The following ANKRD13A variants were observed in gnomAD, a reference collection of about 807,000 sequenced individuals.
ANKRD13A encodes ankyrin repeat domain-containing protein 13A.
In ANKRD13A, 48 loss-of-function variants were observed where a neutral mutation model predicts 81.3. That is an observed-to-expected ratio of 0.59 (90% CI 0.47 to 0.75). The LOEUF (loss-of-function observed/expected upper bound fraction) is 0.75, where lower values mean the gene tolerates loss of function less well. Among genes scored for constraint, ANKRD13A ranks in the 30% least tolerant of loss-of-function variants. The pLI is 0.00. For missense variants in ANKRD13A, 612 were observed against 734.0 expected (o/e 0.83, Z 1.92); for synonymous variants, 230 against 270.1 (o/e 0.85, Z 1.45).
At chr12:110,005,868 G>A (rs564775207) in intron 1 of ANKRD13A, among the ~76,000 whole-genome samples, 22 of 152,198 alleles carry the variant, frequency 1.4e-4, no homozygotes, top group African/African-American at 5.1e-4. Flanking sequence ...CCAGGCTGGA[G>A]TGCAGTGGCA....
At chr12:110,003,984 C>T (rs1361813219) in intron 1 of ANKRD13A, among the ~76,000 whole-genome samples, 1 of 152,056 alleles carries the variant, frequency 6.6e-6, no homozygotes, top group Non-Finnish European at 1.5e-5. Context: ...TAGTGAAACC[C>T]CATCTTTGCT....
At chr12:110,000,197 CTTG>C (rs1403972887) in intron 1 of ANKRD13A, among the ~76,000 whole-genome samples, 1 of 152,210 alleles carries the variant, frequency 6.6e-6, no homozygotes. Flanking sequence ...GCACACTCTC[CTTG>C]TTGTAAGGAA....
At position 110,036,586 on chromosome 12, in the gene ANKRD13A, A is replaced by T. The variant is rs867430213; in HGVS notation, c.1577+258A>T. Among the ~76,000 whole-genome samples, 3 of 151,790 alleles carry T rather than the reference A, an allele frequency of 2.0e-5. No homozygotes were observed. The highest frequency in any genetic ancestry group is 2.9e-5 in the Non-Finnish European group (2 of 67,898). ...AACACGGTGAAACCCTGTCTCTCCTAAAAAAAATACAAAAAATTAGCCGGG... is the reference window on the plus strand; with the variant it reads ...AACACGGTGAAACCCTGTCTCTCCTTAAAAAAATACAAAAAATTAGCCGGG... On this transcript the variant is annotated intron_variant, in intron 14 of 14. Transcript: ENST00000261739. The surrounding 1 kb of genome is among the most constrained non-coding windows in gnomAD (Gnocchi z 4.6).
At chr12:110,032,405 A>G (rs966984577) in intron 12 of ANKRD13A, 1 of 152,246 alleles carries the variant, frequency 6.6e-6, no homozygotes, top group Non-Finnish European at 1.5e-5. Flanking sequence ...AATAAAAACA[A>G]TTGAACTCGA....
chr12:110,015,437 A>T (rs983840884), intron 3 of ANKRD13A, among the ~76,000 whole-genome samples: 1 of 152,232 alleles, frequency 6.6e-6, no homozygotes, highest in Admixed American at 6.5e-5. Context: ...GGCAGTGCTT[A>T]AGCCCATCTT....
intron 6 of ANKRD13A, chr12:110,021,213 G>C (rs1022286457): frequency 1.3e-5 from 6 of 453,086 alleles, no homozygotes; most frequent in Admixed American, 1.2e-4. Context: ...AGAATTAAAT[G>C]TGTGCTTGTC....
chr12:110,024,175 T>G (rs1198032555), intron 7 of ANKRD13A, 63 bp downstream of exon 7: 2 of 1,449,920 alleles, frequency 1.4e-6, no homozygotes, highest in African/African-American at 2.8e-5. Context: ...AAATGAGGAA[T>G]CTGTTCCCAT....
chr12:110,006,006 G>C (rs566902501), intron 1 of ANKRD13A, among the ~76,000 whole-genome samples: 5 of 152,082 alleles, frequency 3.3e-5, no homozygotes, highest in Non-Finnish European at 7.4e-5. Context: ...TAGTAGAGAT[G>C]GGGTTTCACC....
intron 1 of ANKRD13A, among the ~76,000 whole-genome samples, chr12:110,001,030 T>TA (rs1216807588): frequency 1.3e-5 from 2 of 151,892 alleles, no homozygotes; most frequent in Non-Finnish European, 2.9e-5. Context: ...GTGCTGGGAT[T>TA]ACAGGTGTGA....
intron 10 of ANKRD13A, 141 bp from the exon 11 acceptor site, chr12:110,029,337 G>T: frequency 1.9e-5 from 17 of 880,862 alleles, no homozygotes; most frequent in Admixed American, 8.5e-5. Flanking sequence ...CTAGACATTT[G>T]ACCTTTAATA....
chr12:110,015,978 A>T (rs1890780192), intron 3 of ANKRD13A, among the ~76,000 whole-genome samples: 1 of 141,958 alleles, frequency 7.0e-6, no homozygotes, highest in African/African-American at 2.7e-5. Context: ...TCCATACAGT[A>T]TCTCGCTCTG....
In ANKRD13A at chr12:110,027,642, T is replaced by A. The variant is rs60844638; in HGVS notation, c.884-63T>A. On this transcript the variant is annotated intron_variant, in intron 8 of 14. Transcript: ENST00000261739. ...CTTGGACCAGAAACTTTAATGAAGA[T>A]CTTTTTTTTATAGCCACAAGTGAGA... 2,063 of 1,514,134 alleles carry A rather than the reference T, an allele frequency of 1.4e-3. 22 individuals are homozygous for A. In the African/African-American group the frequency reaches 0.023, roughly 17 times the overall value. The allele number at this position is 1,514,134 out of a possible 1,614,324, so 93.8% of individuals were successfully genotyped here. A position where few individuals can be genotyped will look rare whatever the true frequency, so the allele number is the denominator to read the frequency against.
intron 1 of ANKRD13A, among the ~76,000 whole-genome samples, chr12:110,007,997 G>A (rs1475436516): frequency 1.3e-5 from 2 of 152,000 alleles, no homozygotes; most frequent in Admixed American, 1.3e-4. Flanking sequence ...TATTTTTCTT[G>A]CCCAGTTGCC....
In ANKRD13A at chr12:110,029,473, T is replaced by C; in HGVS notation, c.1077-5T>C. 6.2e-7 allele frequency: 1 copy of C among 1,607,014 alleles called. No homozygotes were observed. The highest frequency in any genetic ancestry group is 8.5e-7 in the Non-Finnish European group (1 of 1,173,848). On this transcript the variant is annotated splice_region_variant and splice_polypyrimidine_tract_variant and intron_variant, in intron 10 of 14. Coordinates refer to ENST00000261739, the MANE Select transcript of ANKRD13A (RefSeq NM_033121.2). ...CCTCAGTCTTTTCTTGGTTGAATTC[T>C]GCAGGTTTAAAGCAATGTTGTGGAT...
chr12:110,022,426 G>C (rs551166522), intron 6 of ANKRD13A: 39 of 151,166 alleles, frequency 2.6e-4, no homozygotes, highest in African/African-American at 8.8e-4. Context: ...TCCAGCCTGG[G>C]TGACAGTGTA....
intron 9 of ANKRD13A, chr12:110,027,968 T>A: frequency 1.7e-6 from 1 of 571,778 alleles, no homozygotes; most frequent in African/African-American, 1.9e-5. Flanking sequence ...AGAGGAGGGG[T>A]AGTGATTATA....
chr12:110,033,041 GT>G (rs1336448531), intron 12 of ANKRD13A, among the ~76,000 whole-genome samples: 3 of 147,840 alleles, frequency 2.0e-5, no homozygotes, highest in Admixed American at 6.7e-5. Context: ...TATTGATAGT[GT>G]TTTTTTCTTT....
At chr12:110,033,704 C>A in intron 12 of ANKRD13A, 93 bp from the exon 13 acceptor site, 1 of 1,201,750 alleles carries the variant, frequency 8.3e-7, no homozygotes, top group Non-Finnish European at 1.1e-6. Flanking sequence ...TAATTTTGAG[C>A]CTTTCTTTTT....
In ANKRD13A at chr12:110,037,690, G is replaced by A; in HGVS notation, c.*136G>A. 1 of 892,256 alleles carries A rather than the reference G, an allele frequency of 1.1e-6. No homozygotes were observed. Among genetic ancestry groups the A allele is most frequent in the African/African-American group, 1.7e-5 (1 of 59,286 alleles). 55.3% of individuals were successfully genotyped at this position (892,256 alleles called of 1,614,324 possible). A position where few individuals can be genotyped will look rare whatever the true frequency, so the allele number is the denominator to read the frequency against. The stretch of plus-strand genomic sequence containing the variant: ...GCAACAACTGCCCCTTCTTTATGCA[G>A]AGGTGCAGAACCAGGGACTCCTGGG... On this transcript the variant is annotated 3_prime_UTR_variant, in exon 15 of 15. Transcript: ENST00000261739.
Sources: allele counts gnomAD v4.1 joint callset (sites outside exome capture counted in the v4.1 genomes callset), GRCh38; gene constraint gnomAD v4.1.1; non-coding constraint Gnocchi (gnomAD v3.1); transcripts MANE v1.5; gene names NCBI Gene and HGNC (gene_info 2026-07-23, HGNC 2026-07-21).